MZT2A: variants seen among roughly 807,000 people sequenced by gnomAD.
MZT2A encodes the protein mitotic spindle organizing protein 2A.
A neutral mutation model predicts 12.4 loss-of-function variants in MZT2A; 8 were observed. The ratio of observed to expected loss-of-function variants is 0.64; its 90% confidence interval spans 0.38 to 1.16. MZT2A has a LOEUF of 1.16. Ranked by LOEUF, MZT2A falls within the 50% of genes most tolerant of loss-of-function variation. The pLI is 0.01. For synonymous variants in MZT2A, 88 were observed against 107.5 expected (o/e 0.82, Z 1.12); for missense variants, 181 against 223.6 (o/e 0.81, Z 1.22).
downstream of MZT2A, chr2:131,482,900 A>G (rs1678911018): frequency 6.3e-7 from 1 of 1,578,208 alleles, no homozygotes; most frequent in African/African-American, 1.3e-5. Context: ...GCTGCTTCCA[A>G]GTTGTTTGCA....
At chr2:131,490,532 C>T in intron 2 of MZT2A, 5 of 1,466,426 alleles carry the variant, frequency 3.4e-6, no homozygotes, top group Non-Finnish European at 4.5e-6. Context: ...CTAGAGACTG[C>T]CACACCATGT....
At chr2:131,490,693 G>A (rs763857312) in intron 2 of MZT2A, 73 of 1,549,464 alleles carry the variant, frequency 4.7e-5, no homozygotes, top group Non-Finnish European at 5.8e-5. Context: ...AACCCCCAGA[G>A]ATAAGCCAAT....
intron 2 of MZT2A, among the ~76,000 whole-genome samples, chr2:131,476,689 T>C (rs1296411411): frequency 2.6e-5 from 4 of 152,020 alleles, no homozygotes; most frequent in African/African-American, 9.7e-5. Flanking sequence ...ATCCCAGCCC[T>C]TGGGGAGGTG....
At chr2:131,493,122 G>T, upstream of MZT2A, 2 of 1,485,678 alleles carry the variant, frequency 1.3e-6, no homozygotes, top group Non-Finnish European at 9.0e-7. Flanking sequence ...TGAAGCGGGC[G>T]ACGCTATGGG....
chr2:131,492,816 T>A (rs951666096), upstream of MZT2A: 25 of 1,438,544 alleles, frequency 1.7e-5, no homozygotes, highest in African/African-American at 3.5e-4. Context: ...ACAACCCTGC[T>A]TACGCGCACG....
At chr2:131,489,819 T>A in intron 2 of MZT2A, 1 of 942,870 alleles carries the variant, frequency 1.1e-6, no homozygotes, top group Non-Finnish European at 1.3e-6. Context: ...GTCTCACTGG[T>A]GGTTTTCCTC....
chr2:131,472,074 C>T lies in MZT2A; in HGVS notation c.389G>A (p.Cys130Tyr), dbSNP rs955016793. The T allele has an allele frequency of 1.1e-5, 14 of 1,290,250 alleles. No individual in the cohort carries two copies. In the African/African-American group the frequency reaches 1.8e-4, roughly 17 times the overall value. 79.9% of individuals were successfully genotyped at this position (1,290,250 alleles called of 1,614,324 possible). ...CCAGAACCGAACTGCCTACCTTGTG[C>T]ATGTCCTCCTTCTCCTGCCACACCA... Residue 130 changes from cysteine to tyrosine, a missense_variant and NMD_transcript_variant, in exon 3 of 5, where the codon TGC (cysteine) becomes TAC (tyrosine). Cys to Tyr is a radical substitution (Grantham distance 194). Coordinates refer to the MZT2A transcript ENST00000427024.
chr2:131,485,412 C>G (rs1394857552), intron 2 of MZT2A, among the ~76,000 whole-genome samples: 2 of 152,190 alleles, frequency 1.3e-5, no homozygotes, highest in African/African-American at 4.8e-5. Context: ...GGTCCCACCC[C>G]AGCCAAATTC....
chr2:131,484,978 CTTTAT>C (rs950983389), intron 2 of MZT2A, among the ~76,000 whole-genome samples: 3 of 152,232 alleles, frequency 2.0e-5, no homozygotes, highest in African/African-American at 7.2e-5. Flanking sequence ...CGGGCCAGAG[CTTTAT>C]TTTAATGGGA....
chr2:131,489,002 C>A (rs1258910784), intron 2 of MZT2A, among the ~76,000 whole-genome samples: 2 of 151,450 alleles, frequency 1.3e-5, no homozygotes, highest in East Asian at 3.9e-4. Flanking sequence ...ACTGTGCCCC[C>A]CCACCTGCCT....
chr2:131,487,375 AGAG>A (rs1484882642), intron 2 of MZT2A, among the ~76,000 whole-genome samples: 1 of 152,034 alleles, frequency 6.6e-6, no homozygotes, highest in Non-Finnish European at 1.5e-5. Flanking sequence ...CAGCTACTCA[AGAG>A]GAGGTGGGAG....
At chr2:131,471,776 C>A (rs193125577) in intron 3 of MZT2A, among the ~76,000 whole-genome samples, 9 of 151,796 alleles carry the variant, frequency 5.9e-5, no homozygotes, top group South Asian at 2.1e-4. Context: ...GCTTACTCCG[C>A]GGGGTTGAAC....
At chr2:131,483,942 A>C (rs1409398531), downstream of MZT2A, 69 of 1,442,488 alleles carry the variant, frequency 4.8e-5, no homozygotes, top group East Asian at 4.6e-4. Context: ...AAAAAAAAAA[A>C]AAACAGTAGA....
upstream of MZT2A, chr2:131,492,475 C>G (rs1239004281): frequency 8.7e-6 from 10 of 1,155,210 alleles, no homozygotes; most frequent in Non-Finnish European, 9.5e-6. Context: ...GCCTCCCGGG[C>G]TGCCCTGGCG....
At chr2:131,480,056 T>C (rs746121096), downstream of MZT2A, 1 of 1,567,322 alleles carries the variant, frequency 6.4e-7, no homozygotes, top group Admixed American at 1.8e-5. Context: ...TCACGTTGTG[T>C]GGTTTCTCTC....
At position 131,492,179 on chromosome 2, in the gene MZT2A, G is replaced by T. The variant is rs1396023059; in HGVS notation, c.170+28C>A. ...AGCAGAGGTCGGGGGTGTCTGGCGAGCATGCGGCCCCCACCCGCCCCGCTC... is the reference window on the plus strand; with the variant it reads ...AGCAGAGGTCGGGGGTGTCTGGCGATCATGCGGCCCCCACCCGCCCCGCTC... On this transcript the variant is annotated intron_variant, in intron 1 of 2. Coordinates refer to ENST00000309451, the MANE Select transcript of MZT2A (RefSeq NM_001085365.2). The T allele has an allele frequency of 4.5e-6, 7 of 1,538,742 alleles. No homozygotes were observed. The Middle Eastern group carries it at 1.4e-3, about 300-fold the overall frequency.
At chr2:131,489,680 T>G in intron 2 of MZT2A, 1 of 194,708 alleles carries the variant, frequency 5.1e-6, no homozygotes, top group Non-Finnish European at 9.3e-6. Context: ...GCCTGGCTAG[T>G]TTTTGTATTT....
downstream of MZT2A, chr2:131,482,468 G>A: frequency 2.0e-6 from 3 of 1,530,674 alleles, no homozygotes; most frequent in Middle Eastern, 1.8e-4. Flanking sequence ...CACCTACAGG[G>A]TGTCTTCTGT....
At chr2:131,470,107 C>T in intron 4 of MZT2A, 1 of 422,572 alleles carries the variant, frequency 2.4e-6, no homozygotes, top group Non-Finnish European at 4.4e-6. Flanking sequence ...TCTGGCTAAA[C>T]AGCATCCTCT....
Sources: gnomAD v4.1 joint callset for allele counts (sites outside exome capture counted in the v4.1 genomes callset) on GRCh38, gnomAD v4.1.1 for gene constraint, MANE v1.5 for transcripts, NCBI Gene and HGNC (gene_info 2026-07-23, HGNC 2026-07-21) for gene names.